Variants in PTBP3 observed in about 807,000 individuals in gnomAD.
PTBP3 encodes polypyrimidine tract-binding protein 3.
PTBP3 carries 20 observed loss-of-function variants against 58.7 expected under a neutral mutation model. That is an observed-to-expected ratio of 0.34 (90% CI 0.24 to 0.50). The LOEUF is 0.50. Ranked by LOEUF, PTBP3 falls within the 20% of genes least tolerant of loss-of-function variation. The pLI is 0.98. For missense variants in PTBP3, 509 were observed against 637.2 expected (o/e 0.80, Z 2.17); for synonymous variants, 185 against 219.8 (o/e 0.84, Z 1.40).
At chr9:112,340,096 C>T in the PTBP3 span, among the ~76,000 whole-genome samples, 1 of 152,094 alleles carries the variant, frequency 6.6e-6, no homozygotes, top group South Asian at 2.1e-4. Context: ...TCCTGAGTAG[C>T]GGAAACTGTA....
chr9:112,363,050 G>A, the PTBP3 span: 6 of 180,318 alleles, frequency 3.3e-5, no homozygotes, highest in Non-Finnish European at 5.9e-5. Flanking sequence ...TCATGGAAAG[G>A]GCAGCCCAGC....
At chr9:112,247,901 C>T (rs1289492322) in intron 7 of PTBP3, among the ~76,000 whole-genome samples, 3 of 152,082 alleles carry the variant, frequency 2.0e-5, no homozygotes, top group Non-Finnish European at 2.9e-5. Context: ...TATACACACA[C>T]ATGCATACAC....
chr9:112,270,384 C>T (rs767533077), intron 3 of PTBP3, among the ~76,000 whole-genome samples: 47 of 152,186 alleles, frequency 3.1e-4, no homozygotes, highest in Non-Finnish European at 2.1e-4. Context: ...ATGGTATCTA[C>T]ATCTTCATGT....
At chr9:112,329,370 T>C (rs1205464446) in intron 1 of PTBP3, among the ~76,000 whole-genome samples, 4 of 151,948 alleles carry the variant, frequency 2.6e-5, no homozygotes, top group Non-Finnish European at 5.9e-5. Flanking sequence ...AAGCCAAGAT[T>C]GTACCACTGT....
At chr9:112,367,158 C>T in the PTBP3 span, among the ~76,000 whole-genome samples, 1 of 152,146 alleles carries the variant, frequency 6.6e-6, no homozygotes, top group Non-Finnish European at 1.5e-5. Flanking sequence ...ATTGATGTTA[C>T]AATTTGTATG....
chr9:112,290,809 A>T (rs1332602597), intron 2 of PTBP3, among the ~76,000 whole-genome samples: 1 of 151,964 alleles, frequency 6.6e-6, no homozygotes, highest in East Asian at 1.9e-4. Context: ...ATCACTTTTG[A>T]AAATTAGTAG....
upstream of PTBP3, among the ~76,000 whole-genome samples, chr9:112,334,249 T>C (rs191648768): frequency 2.7e-3 from 414 of 152,244 alleles, 1 homozygote; most frequent in African/African-American, 9.4e-3. Flanking sequence ...TGTATACAAT[T>C]TAAGTATCTG....
At chr9:112,250,817 A>G in intron 7 of PTBP3, 112 bp downstream of exon 7, 1 of 1,086,160 alleles carries the variant, frequency 9.2e-7, no homozygotes, top group Non-Finnish European at 1.2e-6. Flanking sequence ...GCTTTCCTTT[A>G]TAAATCCTGA....
rs766867821 is a variant in PTBP3 at position 112,232,126 on chromosome 9, AAC to A, written c.991_992del (p.Val331SerfsTer9). On this transcript the variant is annotated frameshift_variant, in exon 9 of 14. Transcript: ENST00000374257. LOFTEE classifies it high-confidence loss of function. ...CAGGATTGAGATTTGTGACGAGTAGAACAGAATTTCCTGGTATACCACTAGCC... is the reference window on the plus strand; with the variant it reads ...CAGGATTGAGATTTGTGACGAGTAGAAGAATTTCCTGGTATACCACTAGCC... The part of the protein sequence containing the change: ...PGASGIPGNS[V>X]LLVTNLNPDL... The A allele has an allele frequency of 6.2e-7, 1 of 1,612,774 alleles. No individual in the cohort carries two copies. Among genetic ancestry groups the A allele is most frequent in the Non-Finnish European group, 8.5e-7 (1 of 1,179,642 alleles).
At chr9:112,306,604 A>ATATATATT (rs1341386115) in intron 1 of PTBP3, among the ~76,000 whole-genome samples, 30 of 104,016 alleles carry the variant, frequency 2.9e-4, no homozygotes, top group South Asian at 2.8e-4. Context: ...ATATATATAT[A>ATATATATT]TTTTTGTTTG....
At chr9:112,313,566 A>G (rs982869900) in intron 1 of PTBP3, among the ~76,000 whole-genome samples, 4 of 152,180 alleles carry the variant, frequency 2.6e-5, no homozygotes, top group African/African-American at 9.7e-5. Flanking sequence ...TCTATCACAG[A>G]CCGGAATCAT....
At chr9:112,348,939 TC>T in the PTBP3 span, among the ~76,000 whole-genome samples, 4 of 152,204 alleles carry the variant, frequency 2.6e-5, no homozygotes, top group Admixed American at 2.6e-4. Flanking sequence ...CTTATTTTCT[TC>T]CAAATTCATT....
upstream of PTBP3, among the ~76,000 whole-genome samples, chr9:112,338,446 C>T (rs749706400): frequency 7.9e-5 from 12 of 152,134 alleles, no homozygotes; most frequent in Non-Finnish European, 1.2e-4. Flanking sequence ...CACAGGACCT[C>T]TTTGTACTTA....
At chr9:112,226,528 A>T (rs1834997486) in intron 12 of PTBP3, among the ~76,000 whole-genome samples, 1 of 152,182 alleles carries the variant, frequency 6.6e-6, no homozygotes, top group Admixed American at 6.5e-5. Context: ...TGTTTTAACA[A>T]TTTCCAAAGT....
chr9:112,279,328 C>T (rs537845687), intron 2 of PTBP3, among the ~76,000 whole-genome samples: 3 of 152,238 alleles, frequency 2.0e-5, no homozygotes, highest in East Asian at 1.9e-4. Flanking sequence ...CTAAACTATA[C>T]ATTAAAAACT....
chr9:112,251,372 A>C (rs1836108725), intron 6 of PTBP3, among the ~76,000 whole-genome samples: 8 of 152,184 alleles, frequency 5.3e-5, no homozygotes, highest in Admixed American at 3.9e-4. Flanking sequence ...GGAGAAATGT[A>C]AAAGATTGGA....
chr9:112,347,880 G>A, the PTBP3 span, among the ~76,000 whole-genome samples: 1 of 152,134 alleles, frequency 6.6e-6, no homozygotes, highest in Admixed American at 6.5e-5. Context: ...TGGTTTCACA[G>A]GTGTTTACTA....
rs544637725 is a variant in PTBP3, at chr9:112,220,757, T to C, written c.*3094A>G. 1.9e-5 allele frequency: 19 copies of C among 983,882 alleles called. No homozygotes were observed. The highest frequency in any genetic ancestry group is 3.5e-5 in the African/African-American group (2 of 57,176). 60.9% of individuals were successfully genotyped at this position (983,882 alleles called of 1,614,324 possible). On this transcript the variant is annotated 3_prime_UTR_variant, in exon 14 of 14. Coordinates refer to ENST00000374257, the MANE Select transcript of PTBP3 (RefSeq NM_001163788.4). ...ATTATTCAAATCTCAAAGTAAATCA[T>C]TTTGGTGTAATTCGCTACTGTTAAA...
intron 10 of PTBP3, among the ~76,000 whole-genome samples, chr9:112,230,057 T>C (rs1835141721): frequency 6.6e-6 from 1 of 152,168 alleles, no homozygotes; most frequent in Admixed American, 6.5e-5. Context: ...TTTTCTAAAA[T>C]TGGACTGTGG....
Sources: gnomAD v4.1 joint callset for allele counts (sites outside exome capture counted in the v4.1 genomes callset) on GRCh38, gnomAD v4.1.1 for gene constraint, MANE v1.5 for transcripts, NCBI Gene and HGNC (gene_info 2026-07-23, HGNC 2026-07-21) for gene names.